Variants in MYOM3 observed in about 807,000 individuals in gnomAD.
MYOM3 encodes the protein myomesin-3.
Under a neutral mutation model 191.7 loss-of-function variants are expected in MYOM3, and 155 were observed. That is an observed-to-expected ratio of 0.81 (90% CI 0.71 to 0.92). MYOM3 has a LOEUF of 0.92. MYOM3 is among the 40% of genes least tolerant of loss of function. The pLI is 0.00. For synonymous variants in MYOM3, 757 were observed against 762.9 expected (o/e 0.99, Z 0.13); for missense variants, 1,889 against 1,890.6 (o/e 1.00, Z 0.02).
intron 3 of MYOM3, 62 bp from the exon 4 acceptor site, chr1:24,107,294 C>T: frequency 7.0e-7 from 1 of 1,425,480 alleles, no homozygotes; most frequent in Non-Finnish European, 9.5e-7. Flanking sequence ...GCATCCTGGC[C>T]AGTTCCATTC....
chr1:24,104,021 G>A (rs1643961759), intron 5 of MYOM3, among the ~76,000 whole-genome samples: 4 of 152,200 alleles, frequency 2.6e-5, no homozygotes, highest in Admixed American at 2.6e-4. Context: ...TATGCGCTTA[G>A]AGGCAGGAGA....
chr1:24,074,346 TC>T, intron 22 of MYOM3, 77 bp from the exon 23 acceptor site: 1 of 1,118,634 alleles, frequency 8.9e-7, no homozygotes, highest in Non-Finnish European at 1.3e-6. Context: ...AGCCAGGGAG[TC>T]CAGGTTGCTT....
chr1:24,079,249 G>A (rs1286685576), intron 20 of MYOM3, among the ~76,000 whole-genome samples: 1 of 152,096 alleles, frequency 6.6e-6, no homozygotes. Flanking sequence ...CCCCAGGCTG[G>A]AGTGCAGTGG....
chr1:24,107,258 T>C (rs912539021), intron 3 of MYOM3, 26 bp from the exon 4 acceptor site: 1 of 1,574,508 alleles, frequency 6.4e-7, no homozygotes, highest in Non-Finnish European at 8.6e-7. Context: ...CCATCGGGGC[T>C]CAGGCAGGGA....
chr1:24,067,184 T>C (rs1557602168), intron 27 of MYOM3, 96 bp from the exon 28 acceptor site: 1 of 1,253,692 alleles, frequency 8.0e-7, no homozygotes, highest in East Asian at 2.6e-5. Context: ...GGACAGCTAA[T>C]GGCTATGGAC....
chr1:24,089,093 T>C (rs1017885459), intron 14 of MYOM3, among the ~76,000 whole-genome samples: 1 of 152,124 alleles, frequency 6.6e-6, no homozygotes, highest in Non-Finnish European at 1.5e-5. Context: ...GAGAGCCACC[T>C]CCTAGTGCTA....
Position 24,090,095 on chromosome 1 carries a change from T to G in MYOM3, c.1456A>C (p.Lys486Gln). The G allele has an allele frequency of 6.2e-7, 1 of 1,614,062 alleles. No individual in the cohort carries two copies. The highest frequency in any genetic ancestry group is 1.1e-5 in the South Asian group (1 of 91,086). The change falls in exon 13 of 37, where the codon AAG becomes CAG. Residue 486 changes from lysine to glutamine, a missense_variant. Transcript: ENST00000374434. ...AAAGCGTCTGTGCTGATGGTGATCTTGTTTCCCAGATCAAAGGGGATCTCT... is the reference window on the plus strand; with the variant it reads ...AAAGCGTCTGTGCTGATGGTGATCTGGTTTCCCAGATCAAAGGGGATCTCT... ...KTEIPFDLGN[K>Q]ITISTDAFED...
rs143292903 is a variant in MYOM3, at chr1:24,109,415, C to A, written c.-18-761G>T. Among the ~76,000 whole-genome samples, 120 of 152,274 alleles carry A rather than the reference C, an allele frequency of 7.9e-4. No homozygotes were observed. In the East Asian group the frequency reaches 0.021, roughly 26 times the overall value. On this transcript the variant is annotated intron_variant, in intron 1 of 36. Coordinates refer to ENST00000374434, the MANE Select transcript of MYOM3 (RefSeq NM_152372.4). ...GTACAACATAAGTATTAGGCATTAGCATTATTTTTCTAAGAAGCCTTGCAG... is the reference window on the plus strand; with the variant it reads ...GTACAACATAAGTATTAGGCATTAGAATTATTTTTCTAAGAAGCCTTGCAG...
intron 25 of MYOM3, among the ~76,000 whole-genome samples, chr1:24,070,902 C>T (rs1316515981): frequency 2.0e-5 from 3 of 152,096 alleles, no homozygotes; most frequent in Non-Finnish European, 4.4e-5. Context: ...CACTGGCCAG[C>T]ATGTAGTGTC....
chr1:24,100,032 C>A (rs2148559583), intron 5 of MYOM3, among the ~76,000 whole-genome samples: 1 of 152,232 alleles, frequency 6.6e-6, no homozygotes, highest in African/African-American at 2.4e-5. Flanking sequence ...CCACGCCCGG[C>A]TAATTTTTGT....
At chr1:24,089,449 T>C (rs1643785950) in intron 14 of MYOM3, 89 bp downstream of exon 14, 1 of 1,442,112 alleles carries the variant, frequency 6.9e-7, no homozygotes. Context: ...TTTCATTCTC[T>C]GACGGCCTCC....
chr1:24,060,431 T>C (rs1168604178), intron 35 of MYOM3, among the ~76,000 whole-genome samples: 1 of 152,212 alleles, frequency 6.6e-6, no homozygotes, highest in South Asian at 2.1e-4. Context: ...TTTTCTTGTC[T>C]GTTCTTAGAG....
intron 1 of MYOM3, among the ~76,000 whole-genome samples, chr1:24,110,326 C>T (rs1407650524): frequency 2.7e-5 from 4 of 147,174 alleles, no homozygotes. Flanking sequence ...GAGGGTCCTG[C>T]TGGAGGTGGC....
chr1:24,071,606 A>T (rs1441492663), intron 24 of MYOM3, among the ~76,000 whole-genome samples: 1 of 152,086 alleles, frequency 6.6e-6, no homozygotes, highest in African/African-American at 2.4e-5. Context: ...AGGTGTCATC[A>T]TGGTTCTGTT....
At chr1:24,085,846 T>TGC (rs1270716267) in intron 15 of MYOM3, among the ~76,000 whole-genome samples, 1 of 148,832 alleles carries the variant, frequency 6.7e-6, no homozygotes, top group African/African-American at 2.5e-5. Context: ...TGTGTGTGTG[T>TGC]GCGCGTGTGT....
At position 24,063,102 on chromosome 1, in the gene MYOM3, G is replaced by C. The variant is rs377066690; in HGVS notation, c.3770+24C>G. 7.3e-5 allele frequency: 112 copies of C among 1,530,738 alleles called. No individual in the cohort carries two copies. Among genetic ancestry groups the C allele is most frequent in the Non-Finnish European group, 9.9e-5 (110 of 1,105,530 alleles). 94.8% of individuals were successfully genotyped at this position (1,530,738 alleles called of 1,614,324 possible). On this transcript the variant is annotated intron_variant, in intron 32 of 36. Coordinates refer to ENST00000374434, the MANE Select transcript of MYOM3 (RefSeq NM_152372.4). This position sits in a 1 kb window ranked among gnomAD's most constrained non-coding sequence, Gnocchi z 4.5. ...GCTGAATCCTTTCCAGCCTGGCTGG[G>C]GTTCTGGGGCAAGGCGGACTTACTT...
At position 24,063,474 on chromosome 1, in the gene MYOM3, A is replaced by G; in HGVS notation, c.3661+18T>C. On this transcript the variant is annotated intron_variant, in intron 31 of 36. Transcript: ENST00000374434. This position sits in a 1 kb window ranked among gnomAD's most constrained non-coding sequence, Gnocchi z 4.5. ...CATCAGGGCAGGGCAGGGCTGGGCA[A>G]AGAGGCAGGCTGCTTACCACCAATC... 6.2e-7 allele frequency: 1 copy of G among 1,614,092 alleles called. No individual in the cohort carries two copies. Among genetic ancestry groups the G allele is most frequent in the Non-Finnish European group, 8.5e-7 (1 of 1,179,986 alleles).
intron 16 of MYOM3, chr1:24,083,751 A>T (rs1025823431): frequency 6.6e-6 from 1 of 152,396 alleles, no homozygotes; most frequent in Admixed American, 6.5e-5. Flanking sequence ...CTATCCATGG[A>T]GTCCTGCAAA....
chr1:24,093,815 TGCTCCCA>T (rs1643864407), intron 9 of MYOM3, among the ~76,000 whole-genome samples: 2 of 152,300 alleles, frequency 1.3e-5, no homozygotes, highest in South Asian at 4.1e-4. Flanking sequence ...CCATACTCCC[TGCTCCCA>T]GCAGGTGCAG....
Sources: allele counts gnomAD v4.1 joint callset (sites outside exome capture counted in the v4.1 genomes callset), GRCh38; gene constraint gnomAD v4.1.1; non-coding constraint Gnocchi (gnomAD v3.1); transcripts MANE v1.5; gene names NCBI Gene and HGNC (gene_info 2026-07-23, HGNC 2026-07-21).